Variants in ATG7 observed in about 807,000 individuals in gnomAD.
ATG7 encodes the protein ubiquitin-like modifier-activating enzyme ATG7.
A neutral mutation model predicts 82.4 loss-of-function variants in ATG7; 70 were observed. That is an observed-to-expected ratio of 0.85 (90% CI 0.70 to 1.04). ATG7 has a LOEUF of 1.04. Ranked by LOEUF, ATG7 falls within the 50% of genes least tolerant of loss-of-function variation. The pLI is 0.00. For synonymous variants in ATG7, 287 were observed against 313.0 expected (o/e 0.92, Z 0.88); for missense variants, 792 against 864.3 (o/e 0.92, Z 1.05).
At chr3:11,486,705 A>G (rs992879332) in intron 20 of ATG7, among the ~76,000 whole-genome samples, 3 of 151,958 alleles carry the variant, frequency 2.0e-5, no homozygotes, top group African/African-American at 4.8e-5. Context: ...ATTTTGAGAT[A>G]TGTCCCATCA....
At chr3:11,572,990 A>T in the ATG7 span, among the ~76,000 whole-genome samples, 2 of 151,928 alleles carry the variant, frequency 1.3e-5, no homozygotes, top group Admixed American at 1.3e-4. Flanking sequence ...CAACATGGCG[A>T]ATCCCCCTCT....
chr3:11,568,937 T>G, the ATG7 span: 1 of 1,234,824 alleles, frequency 8.1e-7, no homozygotes, highest in Non-Finnish European at 1.0e-6. This position sits in a 1 kb window ranked among gnomAD's most constrained non-coding sequence, Gnocchi z 5.9. Flanking sequence ...CACTGCCAGC[T>G]GCCCACGGAG....
chr3:11,426,811 A>G lies in ATG7; in HGVS notation c.1964A>G (p.Asp655Gly). The change falls in exon 20 of 21, where the codon GAT (aspartate) becomes GGT (glycine). Residue 655 changes from aspartate to glycine, a missense_variant. Physicochemically the swap from Asp to Gly is moderately conservative, Grantham distance 94. Transcript: ENST00000693202. ...AATGTAAATGTTTTACAGGTTCTTGATCAATATGAACGAGAAGGATTTAAC... is the reference window on the plus strand; with the variant it reads ...AATGTAAATGTTTTACAGGTTCTTGGTCAATATGAACGAGAAGGATTTAAC... ...KCTACSSKVLDQYEREGFNFL... is the reference protein window; with the variant it reads ...KCTACSSKVLGQYEREGFNFL... 6.3e-7 allele frequency: 1 copy of G among 1,593,030 alleles called. No homozygotes were observed. Among genetic ancestry groups the G allele is most frequent in the Non-Finnish European group, 8.5e-7 (1 of 1,172,796 alleles).
chr3:11,283,808 T>C (rs1943481317), intron 3 of ATG7, among the ~76,000 whole-genome samples: 1 of 152,004 alleles, frequency 6.6e-6, no homozygotes, highest in Non-Finnish European at 1.5e-5. Flanking sequence ...GGCGCATGCC[T>C]GTAATCCCAG....
intron 16 of ATG7, among the ~76,000 whole-genome samples, chr3:11,361,033 A>G (rs2076248430): frequency 6.6e-6 from 1 of 152,176 alleles, no homozygotes; most frequent in South Asian, 2.1e-4. Context: ...TTATTGAGGA[A>G]ACCACAGCAG....
At chr3:11,310,680 T>C (rs1011427645) in intron 7 of ATG7, among the ~76,000 whole-genome samples, 1 of 151,836 alleles carries the variant, frequency 6.6e-6, no homozygotes, top group African/African-American at 2.4e-5. Flanking sequence ...TCACCCAGGC[T>C]GGAGTGCAAT....
At chr3:11,561,411 TG>T (rs1166432021), downstream of ATG7, among the ~76,000 whole-genome samples, 1 of 152,188 alleles carries the variant, frequency 6.6e-6, no homozygotes, top group Non-Finnish European at 1.5e-5. Context: ...TGACCTGAGC[TG>T]GGGCGAATTG....
chr3:11,289,482 G>T (rs1944604874), intron 3 of ATG7, among the ~76,000 whole-genome samples: 2 of 152,180 alleles, frequency 1.3e-5, no homozygotes, highest in South Asian at 4.1e-4. Context: ...GCCTGTCATG[G>T]AACGGTTTCA....
chr3:11,390,439 G>T (rs2078704387), intron 19 of ATG7, among the ~76,000 whole-genome samples: 1 of 152,146 alleles, frequency 6.6e-6, no homozygotes, highest in Non-Finnish European at 1.5e-5. Context: ...ATTCCAATAG[G>T]CGCTGAAAGT....
the ATG7 span, among the ~76,000 whole-genome samples, chr3:11,571,824 T>TG: frequency 5.3e-5 from 8 of 151,684 alleles, no homozygotes; most frequent in African/African-American, 1.9e-4. Flanking sequence ...AGAAGCCTAT[T>TG]GGCCGGGCAC....
intron 20 of ATG7, among the ~76,000 whole-genome samples, chr3:11,465,838 C>G (rs532902237): frequency 1.3e-5 from 2 of 151,960 alleles, no homozygotes; most frequent in South Asian, 4.1e-4. Flanking sequence ...AATTAAAAAC[C>G]CAGGGATAAG....
At chr3:11,287,482 G>C (rs1559328626) in intron 3 of ATG7, among the ~76,000 whole-genome samples, 1 of 152,230 alleles carries the variant, frequency 6.6e-6, no homozygotes, top group Non-Finnish European at 1.5e-5. Flanking sequence ...GAGGTGAGGA[G>C]TGACAGGGCC....
At chr3:11,320,046 T>A (rs1559387746) in intron 9 of ATG7, among the ~76,000 whole-genome samples, 1 of 152,218 alleles carries the variant, frequency 6.6e-6, no homozygotes, top group South Asian at 2.1e-4. Flanking sequence ...TACAAGAGTC[T>A]GTGTGGCCTG....
intron 19 of ATG7, among the ~76,000 whole-genome samples, chr3:11,425,093 G>A (rs1051025124): frequency 1.3e-5 from 2 of 152,102 alleles, no homozygotes; most frequent in Non-Finnish European, 2.9e-5. Context: ...TTCCCAAGTA[G>A]CTGGAATTAC....
intron 20 of ATG7, among the ~76,000 whole-genome samples, chr3:11,441,779 G>A (rs1264599564): frequency 6.7e-6 from 1 of 149,828 alleles, no homozygotes; most frequent in African/African-American, 2.5e-5. Flanking sequence ...CAATTCTCCT[G>A]CCTCAGCCTC....
At chr3:11,368,621 G>C (rs764162387) in intron 18 of ATG7, among the ~76,000 whole-genome samples, 8 of 151,942 alleles carry the variant, frequency 5.3e-5, no homozygotes, top group African/African-American at 1.4e-4. Flanking sequence ...GGGAGACCCC[G>C]TCTCTACAAA....
chr3:11,433,658 G>A (rs1380104877), intron 20 of ATG7, among the ~76,000 whole-genome samples: 2 of 152,092 alleles, frequency 1.3e-5, no homozygotes, highest in Admixed American at 6.6e-5. Context: ...AAGTTTGCAC[G>A]TTCCATGATT....
At chr3:11,460,251 T>C (rs1040629765) in intron 20 of ATG7, among the ~76,000 whole-genome samples, 2 of 152,226 alleles carry the variant, frequency 1.3e-5, no homozygotes, top group East Asian at 1.9e-4. Context: ...GCATCTTTCA[T>C]TGGTGACATG....
chr3:11,360,115 G>T (rs550087136), intron 15 of ATG7, among the ~76,000 whole-genome samples: 9 of 152,086 alleles, frequency 5.9e-5, no homozygotes, highest in African/African-American at 2.2e-4. Context: ...GCGGAATCTC[G>T]GCTCACTGCA....
Sources: gnomAD v4.1 joint callset for allele counts (sites outside exome capture counted in the v4.1 genomes callset) on GRCh38, gnomAD v4.1.1 for gene constraint, Gnocchi (gnomAD v3.1) non-coding constraint, MANE v1.5 for transcripts, NCBI Gene and HGNC (gene_info 2026-07-23, HGNC 2026-07-21) for gene names.